SLC9A3: variants seen among roughly 807,000 people sequenced by gnomAD.
The protein encoded by SLC9A3 is solute carrier family 9 member A3, also known as sodium/hydrogen exchanger 3.
A neutral mutation model predicts 86.8 loss-of-function variants in SLC9A3; 37 were observed. The ratio of observed to expected loss-of-function variants is 0.43; its 90% confidence interval spans 0.33 to 0.56. The LOEUF (loss-of-function observed/expected upper bound fraction) is 0.56. Ranked by LOEUF, SLC9A3 falls within the 20% of genes least tolerant of loss-of-function variation. The pLI is 0.06. For missense variants in SLC9A3, 1,011 were observed against 1,171.9 expected (o/e 0.86, Z 2.00); for synonymous variants, 581 against 528.3 (o/e 1.10, Z -1.37).
At position 520,351 on chromosome 5, in the gene SLC9A3, C is replaced by G. The variant is rs911105420; in HGVS notation, c.211+3761G>C. 2.6e-5 allele frequency among the ~76,000 whole-genome samples: 4 copies of G among 152,210 alleles called. No homozygotes were observed. The South Asian group carries it at 8.3e-4, about 32-fold the overall frequency. On this transcript the variant is annotated intron_variant, in intron 1 of 16. Coordinates refer to ENST00000264938, the MANE Select transcript of SLC9A3 (RefSeq NM_004174.4). ...CCCCCAGTTCCCTTTTGGTCGGGTC[C>G]TGTCGCTCATGTGTGGCTCAGAGCT...
At chr5:503,991 C>T (rs1197190454) in intron 1 of SLC9A3, among the ~76,000 whole-genome samples, 2 of 151,966 alleles carry the variant, frequency 1.3e-5, no homozygotes, top group African/African-American at 4.8e-5. Flanking sequence ...ACCTTCCTCA[C>T]ACTTCACCCT....
At chr5:508,759 G>A (rs1457277361) in intron 1 of SLC9A3, among the ~76,000 whole-genome samples, 1 of 152,210 alleles carries the variant, frequency 6.6e-6, no homozygotes, top group African/African-American at 2.4e-5. Flanking sequence ...CCTCCCGGGA[G>A]TCACACATGA....
intron 1 of SLC9A3, among the ~76,000 whole-genome samples, chr5:503,012 CT>C (rs1250451936): frequency 2.0e-5 from 3 of 151,924 alleles, no homozygotes; most frequent in Non-Finnish European, 2.9e-5. Flanking sequence ...TCCAGTGAAA[CT>C]TTATTTACAA....
At position 491,574 on chromosome 5, in the gene SLC9A3, C is replaced by A. The variant is rs1200880481; in HGVS notation, c.514+195G>T. On this transcript the variant is annotated intron_variant, in intron 2 of 16. Transcript: ENST00000264938. The surrounding 1 kb of genome is among the most constrained non-coding windows in gnomAD (Gnocchi z 9.2). Reference sequence around the variant, plus strand: ...TGGGAACTCCTCCCCAAGCAGAACACGTGCTGGGACCTGGGGACGCGCAGG... The same window carrying A: ...TGGGAACTCCTCCCCAAGCAGAACAAGTGCTGGGACCTGGGGACGCGCAGG... Among the ~76,000 whole-genome samples, 1 of 152,144 alleles carries A rather than the reference C, an allele frequency of 6.6e-6. No individual in the cohort carries two copies. Among genetic ancestry groups the A allele is most frequent in the Non-Finnish European group, 1.5e-5 (1 of 68,024 alleles).
At chr5:508,937 C>G (rs1316330924) in intron 1 of SLC9A3, among the ~76,000 whole-genome samples, 2 of 147,790 alleles carry the variant, frequency 1.4e-5, no homozygotes, top group Non-Finnish European at 3.0e-5. Flanking sequence ...AGTGAGACCC[C>G]GTCTCTACAA....
chr5:521,062 C>A (rs76970932), intron 1 of SLC9A3, among the ~76,000 whole-genome samples: 2,283 of 152,352 alleles, frequency 0.015, 57 homozygotes, highest in African/African-American at 0.052. Context: ...TAGGCCCTGC[C>A]GCCTCCACTG....
At chr5:482,457 T>C in intron 7 of SLC9A3, 91 bp downstream of exon 7, 1 of 1,104,852 alleles carries the variant, frequency 9.1e-7, no homozygotes, top group Non-Finnish European at 1.3e-6. Context: ...AATTAGGGTC[T>C]GGAGCCTGGA....
chr5:476,688 C>T lies in SLC9A3; in HGVS notation c.1761-16G>A, dbSNP rs758344222. ...ATTTTCTCTCCTGCGTGGGGACCAGCGCTGAGCCATACAGGCTCCCTCAGG... is the reference window on the plus strand; with the variant it reads ...ATTTTCTCTCCTGCGTGGGGACCAGTGCTGAGCCATACAGGCTCCCTCAGG... On this transcript the variant is annotated splice_polypyrimidine_tract_variant and intron_variant, in intron 11 of 16. Transcript: ENST00000264938. 1.2e-5 allele frequency: 20 copies of T among 1,600,684 alleles called. No homozygotes were observed. The highest frequency in any genetic ancestry group is 3.3e-5 in the South Asian group (3 of 91,062).
At chr5:490,559 G>A (rs998986298) in intron 2 of SLC9A3, among the ~76,000 whole-genome samples, 2 of 152,196 alleles carry the variant, frequency 1.3e-5, no homozygotes, top group East Asian at 1.9e-4. Flanking sequence ...TCAAAGGAGC[G>A]GCCCTGACGG....
chr5:489,653 G>A (rs1739634348), intron 2 of SLC9A3, among the ~76,000 whole-genome samples: 1 of 152,212 alleles, frequency 6.6e-6, no homozygotes, highest in African/African-American at 2.4e-5. Flanking sequence ...AAAGTTCCAT[G>A]TTGGAACGGG....
At chr5:523,148 G>GC (rs139994399) in intron 1 of SLC9A3, among the ~76,000 whole-genome samples, 138 of 152,310 alleles carry the variant, frequency 9.1e-4, no homozygotes, top group African/African-American at 3.1e-3. Context: ...CATAAATAGG[G>GC]CAGGCGGCAG....
In SLC9A3 at chr5:472,045, C is replaced by T. The variant is rs948859797; in HGVS notation, c.*1334G>A. ...GAAAAGCCCCTAGGAGTGTCCACCT[C>T]CACCACTTCCACCGTGCAGGCAGGT... On this transcript the variant is annotated 3_prime_UTR_variant, in exon 17 of 17. Coordinates refer to ENST00000264938, the MANE Select transcript of SLC9A3 (RefSeq NM_004174.4). 116 of 454,954 alleles carry T rather than the reference C, an allele frequency of 2.5e-4. No homozygotes were observed. The highest frequency in any genetic ancestry group is 6.5e-4 in the Middle Eastern group (2 of 3,092). The allele number at this position is 454,954 out of a possible 1,614,324, so 28.2% of individuals were successfully genotyped here.
In SLC9A3 at chr5:481,606, C is replaced by T. The variant is rs1420426797; in HGVS notation, c.1476G>A (p.Glu492=). The T allele has an allele frequency of 1.9e-6, 3 of 1,614,002 alleles. No individual in the cohort carries two copies. Among genetic ancestry groups the T allele is most frequent in the Non-Finnish European group, 2.5e-6 (3 of 1,179,996 alleles). The change falls in exon 9 of 17, where the codon GAG becomes GAA. Residue 492 remains glutamate, a synonymous_variant. Coordinates refer to ENST00000264938, the MANE Select transcript of SLC9A3 (RefSeq NM_004174.4). The stretch of plus-strand genomic sequence containing the variant: ...TGTGCCCGATCTGTCCGGATATGTC[C>T]TCGATGGCCGAGAGGATGTGGTCGA... The part of the protein sequence containing the change: ...RAFDHILSAI[E]DISGQIGHNY...
chr5:505,095 G>C (rs1008273163), intron 1 of SLC9A3, among the ~76,000 whole-genome samples: 1 of 150,556 alleles, frequency 6.6e-6, no homozygotes, highest in Non-Finnish European at 1.5e-5. Flanking sequence ...TGGAATCCCG[G>C]GTGGCTGGAG....
intron 1 of SLC9A3, among the ~76,000 whole-genome samples, chr5:503,286 A>G (rs1740391989): frequency 6.6e-6 from 1 of 152,242 alleles, no homozygotes; most frequent in South Asian, 2.1e-4. Context: ...TTGTAGCCGC[A>G]GCACTTTGGG....
chr5:475,089 G>A lies in SLC9A3; in HGVS notation c.2295C>T (p.Arg765=). Reference sequence around the variant, plus strand: ...AGGGCGGCAGCCTGGCCAGGAGGCTGCGGTCCAGGGCCTCGTCCGGAGAAA... The same window carrying A: ...AGGGCGGCAGCCTGGCCAGGAGGCTACGGTCCAGGGCCTCGTCCGGAGAAA... ...PVFSPDEALD[R]SLLARLPPWL... The change falls in exon 16 of 17, where the codon CGC becomes CGT. Residue 765 remains arginine (R), a synonymous_variant. Transcript: ENST00000264938. The A allele has an allele frequency of 6.2e-7, 1 of 1,609,484 alleles. No individual in the cohort carries two copies. Among genetic ancestry groups the A allele is most frequent in the Non-Finnish European group, 8.5e-7 (1 of 1,177,972 alleles).
intron 15 of SLC9A3, 38 bp from the exon 16 acceptor site, chr5:475,170 G>GC: frequency 6.5e-7 from 1 of 1,530,434 alleles, no homozygotes; most frequent in South Asian, 1.3e-5. Context: ...CCTTCGGAGA[G>GC]CCCCACGGCG....
At chr5:499,407 G>A (rs1006451969) in intron 1 of SLC9A3, among the ~76,000 whole-genome samples, 4 of 152,326 alleles carry the variant, frequency 2.6e-5, no homozygotes, top group Admixed American at 6.5e-5. Context: ...GCACACAGCC[G>A]GGGCCACCCC....
rs1006382778 is a variant in SLC9A3 at position 476,678 on chromosome 5, T to G, written c.1761-6A>C. 1.2e-6 allele frequency: 2 copies of G among 1,602,230 alleles called. No homozygotes were observed. Among genetic ancestry groups the G allele is most frequent in the Non-Finnish European group, 1.7e-6 (2 of 1,179,760 alleles). On this transcript the variant is annotated splice_region_variant and splice_polypyrimidine_tract_variant and intron_variant, in intron 11 of 16. Transcript: ENST00000264938. ...CAGCGCTGACATTTTCTCTCCTGCG[T>G]GGGGACCAGCGCTGAGCCATACAGG...
Sources: allele counts gnomAD v4.1 joint callset (sites outside exome capture counted in the v4.1 genomes callset), GRCh38; gene constraint gnomAD v4.1.1; non-coding constraint Gnocchi (gnomAD v3.1); transcripts MANE v1.5; gene names NCBI Gene and HGNC (gene_info 2026-07-23, HGNC 2026-07-21).